SRGAP2: variants seen among roughly 807,000 people sequenced by gnomAD.
SRGAP2 encodes the protein SLIT-ROBO Rho GTPase-activating protein 2.
SRGAP2 carries 15 observed loss-of-function variants against 57.2 expected under a neutral mutation model. The ratio of observed to expected loss-of-function variants is 0.26; its 90% CI spans 0.18 to 0.40. The LOEUF (loss-of-function observed/expected upper bound fraction) is 0.40, where lower values mean the gene tolerates loss of function less well. Among genes scored for constraint, SRGAP2 ranks in the 10% least tolerant of loss-of-function variants. The probability of loss-of-function intolerance (pLI) is 1.00; values close to 1 mark genes in which losing one functional copy is unlikely to be tolerated. For missense variants in SRGAP2, 520 were observed against 669.6 expected (o/e 0.78, Z 2.47); for synonymous variants, 249 against 248.0 (o/e 1.00, Z -0.04).
At chr1:206,393,410 A>T in intron 6 of SRGAP2, 135 bp from the exon 7 acceptor site, 1 of 550,828 alleles carries the variant, frequency 1.8e-6, no homozygotes, top group Non-Finnish European at 3.3e-6. Flanking sequence ...CAGAATTAGA[A>T]CCCAATTTAA....
intron 7 of SRGAP2, among the ~76,000 whole-genome samples, chr1:206,394,086 C>T (rs1657322577): frequency 7.8e-6 from 1 of 128,308 alleles, no homozygotes; most frequent in African/African-American, 3.1e-5. Flanking sequence ...TTGCTCTGTC[C>T]CCCAGGCTGG....
intron 19 of SRGAP2, among the ~76,000 whole-genome samples, chr1:206,450,891 C>A (rs184948763): frequency 6.6e-6 from 1 of 151,656 alleles, no homozygotes; most frequent in East Asian, 1.9e-4. Flanking sequence ...GCGGGAGGAT[C>A]ACTTGAGTTC....
At chr1:206,446,971 A>G (rs1362434200) in intron 18 of SRGAP2, among the ~76,000 whole-genome samples, 1 of 152,134 alleles carries the variant, frequency 6.6e-6, no homozygotes, top group East Asian at 1.9e-4. Flanking sequence ...TTTCTATTTT[A>G]TGGATGAAGT....
intron 4 of SRGAP2, among the ~76,000 whole-genome samples, chr1:206,359,732 A>G (rs1676738071): frequency 7.0e-6 from 1 of 143,162 alleles, no homozygotes; most frequent in South Asian, 2.2e-4. Flanking sequence ...AAAAGTAAAT[A>G]TATAATATAT....
chr1:206,237,247 G>C (rs1667966153), intron 2 of SRGAP2, among the ~76,000 whole-genome samples: 1 of 152,108 alleles, frequency 6.6e-6, no homozygotes, highest in African/African-American at 2.4e-5. Flanking sequence ...GGGCGACAGA[G>C]CCACTGCACT....
intron 7 of SRGAP2, among the ~76,000 whole-genome samples, chr1:206,401,074 G>C (rs1401037406): frequency 1.3e-5 from 2 of 151,490 alleles, no homozygotes; most frequent in Non-Finnish European, 2.9e-5. Flanking sequence ...GTTGAATTTT[G>C]TTATAATGAC....
intron 2 of SRGAP2, among the ~76,000 whole-genome samples, chr1:206,220,756 C>T (rs1190894172): frequency 6.6e-6 from 1 of 152,096 alleles, no homozygotes; most frequent in African/African-American, 2.4e-5. Flanking sequence ...CATTTGGGTT[C>T]TCAGCAACTT....
chr1:206,391,615 G>GCACACACACACA (rs201726708), intron 5 of SRGAP2, among the ~76,000 whole-genome samples: 1 of 115,478 alleles, frequency 8.7e-6, no homozygotes, highest in African/African-American at 3.8e-5. Context: ...ACACACACAT[G>GCACACACACACA]CACACACACA....
intron 12 of SRGAP2, among the ~76,000 whole-genome samples, chr1:206,420,412 T>C (rs1348443239): frequency 2.0e-5 from 3 of 152,346 alleles, no homozygotes; most frequent in East Asian, 1.9e-4. Context: ...GAAGGCTCTG[T>C]AGGACTGAAA....
chr1:206,445,010 G>A (rs1553373282), intron 17 of SRGAP2, among the ~76,000 whole-genome samples: 1 of 152,222 alleles, frequency 6.6e-6, no homozygotes, highest in Non-Finnish European at 1.5e-5. Flanking sequence ...GCTGGATGAG[G>A]GGTACACTAC....
chr1:206,302,110 C>T (rs1671906846), intron 2 of SRGAP2, among the ~76,000 whole-genome samples: 1 of 151,560 alleles, frequency 6.6e-6, no homozygotes, highest in African/African-American at 2.4e-5. Flanking sequence ...AATATAGGTG[C>T]TCCTTTTCTG....
intron 18 of SRGAP2, among the ~76,000 whole-genome samples, chr1:206,448,495 C>G (rs1553374666): frequency 1.3e-5 from 2 of 152,208 alleles, no homozygotes; most frequent in Non-Finnish European, 2.9e-5. Flanking sequence ...AAAGCATCCT[C>G]TTGCCTTTCT....
At chr1:206,444,448 G>C (rs189957263) in intron 17 of SRGAP2, among the ~76,000 whole-genome samples, 2 of 152,280 alleles carry the variant, frequency 1.3e-5, no homozygotes, top group East Asian at 3.9e-4. Flanking sequence ...ACTAGAGTTT[G>C]TTTCCCTTTG....
At chr1:206,402,079 C>T (rs1486159350) in intron 8 of SRGAP2, among the ~76,000 whole-genome samples, 1 of 151,612 alleles carries the variant, frequency 6.6e-6, no homozygotes, top group Non-Finnish European at 1.5e-5. Flanking sequence ...GAGGTGGGGC[C>T]ACATCCTAGA....
chr1:206,447,836 G>A (rs1313050338), intron 18 of SRGAP2, among the ~76,000 whole-genome samples: 2 of 152,224 alleles, frequency 1.3e-5, no homozygotes, highest in African/African-American at 4.8e-5. Flanking sequence ...CAGCCCAGTG[G>A]GTCAGAGTCC....
At chr1:206,322,845 C>T (rs1673574147) in intron 3 of SRGAP2, among the ~76,000 whole-genome samples, 1 of 141,608 alleles carries the variant, frequency 7.1e-6, no homozygotes, top group African/African-American at 3.0e-5. Context: ...AAGAATGTGG[C>T]ATCAGCATCT....
At position 206,454,973 on chromosome 1, in the gene SRGAP2, G is replaced by T; in HGVS notation, c.2456G>T (p.Ser819Ile). Residue 819 changes from serine (S) to isoleucine (I), a missense_variant, in exon 21 of 23, where the codon AGC (serine) becomes ATC (isoleucine). Transcript: ENST00000573034. This position sits in a 1 kb window ranked among gnomAD's most constrained non-coding sequence, Gnocchi z 4.3. ...AAGGTGACAGCCAGAGCGGGGGCCA[G>T]CTGTCCCAGTGGGGGTCATGTAGCC... ...EEKVTARAGA[S>I]CPSGGHVADI... 1.3e-6 allele frequency: 1 copy of T among 780,900 alleles called. No individual in the cohort carries two copies. 48.4% of individuals were successfully genotyped at this position (780,900 alleles called of 1,614,324 possible). A position where few individuals can be genotyped will look rare whatever the true frequency, so the allele number is the denominator to read the frequency against.
chr1:206,445,777 TC>T (rs1558441410), intron 17 of SRGAP2, among the ~76,000 whole-genome samples: 2 of 152,054 alleles, frequency 1.3e-5, no homozygotes, highest in African/African-American at 4.8e-5. Flanking sequence ...ATAGATAAGA[TC>T]CGGGGATAGG....
intron 5 of SRGAP2, among the ~76,000 whole-genome samples, chr1:206,384,415 G>A (rs1312653792): frequency 6.6e-6 from 1 of 151,636 alleles, no homozygotes; most frequent in African/African-American, 2.4e-5. Flanking sequence ...GGCAAGGAAC[G>A]TAGCCTGCAT....
Sources: gnomAD v4.1 joint callset for allele counts (sites outside exome capture counted in the v4.1 genomes callset) on GRCh38, gnomAD v4.1.1 for gene constraint, Gnocchi (gnomAD v3.1) non-coding constraint, MANE v1.5 for transcripts, NCBI Gene and HGNC (gene_info 2026-07-23, HGNC 2026-07-21) for gene names.